The following MAP4 variants were observed in gnomAD, a reference collection of about 807,000 sequenced individuals.
MAP4 encodes microtubule associated protein 4.
In MAP4, 76 loss-of-function variants were observed where a neutral mutation model predicts 170.2. The observed-to-expected ratio is 0.45, with a 90% CI of 0.37 to 0.54. The LOEUF (loss-of-function observed/expected upper bound fraction) is 0.54, where lower values mean the gene tolerates loss of function less well. MAP4 is among the 20% of genes least tolerant of loss of function. MAP4 has a pLI of 0.00. For synonymous variants in MAP4, 909 were observed against 994.5 expected, an observed-to-expected ratio of 0.91 and a Z score of 1.62; for missense variants, 2,506 against 2,748.0, an observed-to-expected ratio of 0.91 and a Z score of 1.97.
At chr3:47,881,477 TATATATATATATATATATATGC>T (rs2096732899) in intron 10 of MAP4, among the ~76,000 whole-genome samples, 1 of 97,346 alleles carries the variant, frequency 1.0e-5, no homozygotes, top group Non-Finnish European at 2.3e-5. Flanking sequence ...TATATATATA[TATATATATATATATATATATGC>T]ATAATCATTA....
Position 47,910,144 on chromosome 3 carries a change from A to G in MAP4, c.4277T>C (p.Ile1426Thr). ...AACCTCTAGAGGAGATGATTTATTTATCAGCTCTGATGGTGTTCTGGGACA... is the reference window on the plus strand; with the variant it reads ...AACCTCTAGAGGAGATGATTTATTTGTCAGCTCTGATGGTGTTCTGGGACA... Reference protein sequence around the residue: ...FTCPRTPSELINKSSPLEVLE... With the variant: ...FTCPRTPSELTNKSSPLEVLE... The change falls in exon 9 of 21, where the codon ATA becomes ACA. Residue 1426 changes from isoleucine (I) to threonine (T), a missense_variant. This residue lies in a region of MAP4 where 2,008 missense variants were observed against 2,206.0 expected (regional missense o/e 0.91). Coordinates refer to ENST00000683076, the MANE Select transcript of MAP4 (RefSeq NM_001385682.1). 6.2e-7 allele frequency: 1 copy of G among 1,614,018 alleles called. No homozygotes were observed. The highest frequency in any genetic ancestry group is 8.5e-7 in the Non-Finnish European group (1 of 1,179,896).
intron 3 of MAP4, among the ~76,000 whole-genome samples, chr3:47,958,904 G>C (rs1046647834): frequency 2.6e-5 from 4 of 151,894 alleles, no homozygotes; most frequent in Non-Finnish European, 4.4e-5. Context: ...GGATGGTCTT[G>C]ATCTCTTGAC....
chr3:48,075,145 A>G (rs906308219), intron 1 of MAP4, among the ~76,000 whole-genome samples: 2 of 152,236 alleles, frequency 1.3e-5, no homozygotes, highest in African/African-American at 4.8e-5. Flanking sequence ...ATTTATGCAG[A>G]TAGTAGCAGA....
chr3:47,897,950 G>GGGGGGGAA (rs1491497294), intron 10 of MAP4, among the ~76,000 whole-genome samples: 1 of 134,540 alleles, frequency 7.4e-6, no homozygotes, highest in African/African-American at 2.9e-5. Flanking sequence ...TCGGGGGGGG[G>GGGGGGGAA]AAAAAAAAAA....
chr3:48,024,793 T>A (rs938731263), intron 1 of MAP4, among the ~76,000 whole-genome samples: 1 of 152,176 alleles, frequency 6.6e-6, no homozygotes, highest in African/African-American at 2.4e-5. Flanking sequence ...TGATGAACAA[T>A]GAGCTTTCCA....
chr3:47,881,446 C>CTATATATATATATATATA (rs56923064), intron 10 of MAP4, among the ~76,000 whole-genome samples: 2 of 49,474 alleles, frequency 4.0e-5, no homozygotes, highest in Non-Finnish European at 7.5e-5. Flanking sequence ...GAAAAAACAA[C>CTATATATATATATATATA]TATATATATA....
intron 1 of MAP4, among the ~76,000 whole-genome samples, chr3:48,065,143 A>G (rs898166195): frequency 6.6e-6 from 1 of 152,084 alleles, no homozygotes; most frequent in Non-Finnish European, 1.5e-5. Context: ...AAAAAAAGAA[A>G]AGTCTATTAA....
At chr3:47,938,816 A>G (rs2882668) in intron 3 of MAP4, among the ~76,000 whole-genome samples, 58,623 of 152,122 alleles carry the variant, frequency 0.39, 12,692 homozygotes, top group African/African-American at 0.59. Flanking sequence ...GTTAAGTAAA[A>G]AACATTCTTC....
intron 1 of MAP4, among the ~76,000 whole-genome samples, chr3:48,082,669 G>A (rs1296874119): frequency 3.3e-5 from 5 of 151,922 alleles, no homozygotes; most frequent in South Asian, 2.1e-4. Flanking sequence ...GTGGTGGCAC[G>A]TGCCTGTGGT....
chr3:47,946,906 T>C (rs550088749), intron 3 of MAP4, among the ~76,000 whole-genome samples: 15 of 152,058 alleles, frequency 9.9e-5, no homozygotes, highest in Non-Finnish European at 1.8e-4. Flanking sequence ...GCCAGAAAAA[T>C]GATTTACAAG....
chr3:47,878,290 A>C (rs1167395217), intron 10 of MAP4, among the ~76,000 whole-genome samples: 2 of 152,222 alleles, frequency 1.3e-5, no homozygotes, highest in African/African-American at 4.8e-5. Flanking sequence ...AAACAAAATA[A>C]GACAAAACAC....
intron 1 of MAP4, among the ~76,000 whole-genome samples, chr3:48,063,774 C>A (rs1401624495): frequency 1.3e-5 from 2 of 152,090 alleles, no homozygotes; most frequent in African/African-American, 4.8e-5. Context: ...ATAATTCTAA[C>A]TATACGACAT....
intron 1 of MAP4, among the ~76,000 whole-genome samples, chr3:48,071,212 G>A (rs987685151): frequency 6.6e-6 from 1 of 152,140 alleles, no homozygotes; most frequent in South Asian, 2.1e-4. Context: ...GTGAATAAGA[G>A]GGAAAGGAAA....
At chr3:47,952,107 C>T (rs1253757820) in intron 3 of MAP4, among the ~76,000 whole-genome samples, 15 of 148,278 alleles carry the variant, frequency 1.0e-4, no homozygotes, top group African/African-American at 2.8e-4. Context: ...GGAGACCCTC[C>T]GCCCGGCAGC....
At chr3:47,960,535 T>C (rs1316898152) in intron 3 of MAP4, 1 of 163,972 alleles carries the variant, frequency 6.1e-6, no homozygotes, top group Non-Finnish European at 1.4e-5. Flanking sequence ...TTTTTATTCT[T>C]ACTTATAAGA....
At chr3:47,875,094 G>C (rs1022998902) in intron 12 of MAP4, among the ~76,000 whole-genome samples, 4 of 152,240 alleles carry the variant, frequency 2.6e-5, no homozygotes, top group Non-Finnish European at 4.4e-5. Flanking sequence ...AAGTAGCTCA[G>C]TGAGAGGTGG....
At chr3:48,032,499 T>C (rs1278214248) in intron 1 of MAP4, among the ~76,000 whole-genome samples, 1 of 148,366 alleles carries the variant, frequency 6.7e-6, no homozygotes, top group African/African-American at 2.5e-5. Flanking sequence ...CAAGACTCCG[T>C]CTCAAAAAAA....
Position 48,052,124 on chromosome 3 carries a change from G to A in MAP4, c.-20+36649C>T, listed in dbSNP as rs541918164. Among the ~76,000 whole-genome samples the A allele has an allele frequency of 2.6e-5, 4 of 152,254 alleles. No homozygotes were observed. In the East Asian group the frequency reaches 5.8e-4, roughly 22 times the overall value. On this transcript the variant is annotated intron_variant, in intron 1 of 18. Coordinates refer to the MAP4 transcript ENST00000360240. ...GGCAAAATCACAACTCTACCCCTAC[G>A]CCAACTGAGAGCCATACACCATAAA...
chr3:47,946,858 T>A (rs932750567), intron 3 of MAP4, among the ~76,000 whole-genome samples: 1 of 152,160 alleles, frequency 6.6e-6, no homozygotes, highest in African/African-American at 2.4e-5. Flanking sequence ...ATGAAAGTAT[T>A]TAAATTATGC....
Sources: allele counts gnomAD v4.1 joint callset (sites outside exome capture counted in the v4.1 genomes callset), GRCh38; gene constraint gnomAD v4.1.1; regional missense constraint gnomAD v4.1.1; transcripts MANE v1.5; gene names NCBI Gene and HGNC (gene_info 2026-07-23, HGNC 2026-07-21).